CLTRN: variants seen among roughly 807,000 people sequenced by gnomAD.
The protein encoded by CLTRN is collectrin.
Under a neutral mutation model 14.5 loss-of-function variants are expected in CLTRN, and 12 were observed. The ratio of observed to expected loss-of-function variants is 0.83; its 90% CI spans 0.53 to 1.34. The LOEUF is 1.34. CLTRN is among the 40% of genes most tolerant of loss of function. The pLI is 0.00. For synonymous variants in CLTRN, 58 were observed against 56.5 expected, an observed-to-expected ratio of 1.03 and a Z score of -0.12; for missense variants, 154 against 165.1, an observed-to-expected ratio of 0.93 and a Z score of 0.37.
upstream of CLTRN, among the ~76,000 whole-genome samples, chrX:15,667,875 C>G (rs746976354): frequency 4.2e-4 from 47 of 111,961 alleles, no homozygotes; most frequent in African/African-American, 1.2e-3. Context: ...CTTCAGGTTC[C>G]TTTAGTCTTG....
chrX:15,648,415 G>A (rs1032406796), intron 3 of CLTRN, among the ~76,000 whole-genome samples: 1 of 111,380 alleles, frequency 9.0e-6, no homozygotes, highest in African/African-American at 3.3e-5. Flanking sequence ...CTCCAGTTGT[G>A]ACAATCAAAA....
intron 5 of CLTRN, among the ~76,000 whole-genome samples, chrX:15,633,116 C>T (rs6527620): frequency 0.28 from 30,781 of 109,394 alleles, 3,578 homozygotes; most frequent in East Asian, 0.52. Context: ...ATCAAACCTA[C>T]CTGGTTTTAA....
In CLTRN at chrX:15,664,318, A is replaced by C; in HGVS notation, c.117+19T>G. On this transcript the variant is annotated intron_variant, in intron 2 of 5. Transcript: ENST00000380342. ...TTAGCAAACAAAATTTAAAAAGAAC[A>C]CTCAGGTGCTCCACTTACTGCTTTA... The C allele has an allele frequency of 8.6e-7, 1 of 1,167,952 alleles. No homozygotes were observed. The highest frequency in any genetic ancestry group is 2.4e-5 in the Admixed American group (1 of 41,958).
chrX:15,646,653 G>C, intron 3 of CLTRN: 1 of 341,624 alleles, frequency 2.9e-6, no homozygotes, highest in Admixed American at 3.1e-5. Context: ...GATGGTGCCC[G>C]CCCGCATCCG....
upstream of CLTRN, among the ~76,000 whole-genome samples, chrX:15,668,289 GTCT>G (rs1270492367): frequency 8.9e-6 from 1 of 111,817 alleles, no homozygotes; most frequent in Non-Finnish European, 1.9e-5. Context: ...ACGCACCCTT[GTCT>G]TCTTCTTTAC....
At chrX:15,643,752 G>T (rs1928994872) in intron 4 of CLTRN, among the ~76,000 whole-genome samples, 1 of 112,432 alleles carries the variant, frequency 8.9e-6, no homozygotes, top group Admixed American at 9.4e-5. Flanking sequence ...TTCAGCAAAA[G>T]AAATAGATGA....
At chrX:15,638,786 T>TA (rs1928875015) in intron 5 of CLTRN, among the ~76,000 whole-genome samples, 1 of 112,011 alleles carries the variant, frequency 8.9e-6, no homozygotes, top group Non-Finnish European at 1.9e-5. Flanking sequence ...ATCAATAACT[T>TA]AGACATCGAA....
intron 1 of CLTRN, among the ~76,000 whole-genome samples, chrX:15,674,118 TTGAA>T (rs753662305): frequency 3.1e-4 from 35 of 112,464 alleles, no homozygotes; most frequent in Non-Finnish European, 5.4e-4. Flanking sequence ...TAAATCTGTC[TTGAA>T]TGAATGAATG....
chrX:15,663,467 T>C (rs1929554351), intron 2 of CLTRN, among the ~76,000 whole-genome samples: 1 of 112,631 alleles, frequency 8.9e-6, no homozygotes, highest in Non-Finnish European at 1.9e-5. Flanking sequence ...TGTACTACTA[T>C]CTTCCTCAAA....
At chrX:15,643,610 T>C (rs978281880) in intron 4 of CLTRN, among the ~76,000 whole-genome samples, 4 of 112,240 alleles carry the variant, frequency 3.6e-5, no homozygotes, top group African/African-American at 1.3e-4. Context: ...ATATTTATAA[T>C]TCTTACTCCC....
At chrX:15,630,485 T>C (rs2147194235) in intron 5 of CLTRN, among the ~76,000 whole-genome samples, 1 of 112,134 alleles carries the variant, frequency 8.9e-6, no homozygotes, top group Admixed American at 9.5e-5. Flanking sequence ...TATTAAATAA[T>C]TTCAAATAGT....
At chrX:15,663,594 A>G (rs1451964087) in intron 2 of CLTRN, among the ~76,000 whole-genome samples, 1 of 112,160 alleles carries the variant, frequency 8.9e-6, no homozygotes, top group Non-Finnish European at 1.9e-5. Context: ...TTACTCATTG[A>G]GTCAATAATA....
At chrX:15,656,221 G>C (rs1293324125) in intron 3 of CLTRN, among the ~76,000 whole-genome samples, 1 of 111,894 alleles carries the variant, frequency 8.9e-6, no homozygotes, top group Non-Finnish European at 1.9e-5. Flanking sequence ...AGCTTCTACT[G>C]TAAGTATATG....
chrX:15,627,861 AAAG>A lies in CLTRN; in HGVS notation c.*107_*109del. ...TCAAGCACATTCAAAATTTATTACA[AAAG>A]AAGAATGGTGAAACAAAATATATGA... On this transcript the variant is annotated 3_prime_UTR_variant, in exon 6 of 6. Transcript: ENST00000380342. 1 of 649,037 alleles carries A rather than the reference AAAG, an allele frequency of 1.5e-6. No homozygotes were observed. The highest frequency in any genetic ancestry group is 2.1e-6 in the Non-Finnish European group (1 of 479,469). 53.5% of individuals were successfully genotyped at this position (649,037 alleles called of 1,213,427 possible). A position where few individuals can be genotyped will look rare whatever the true frequency, so the allele number is the denominator to read the frequency against.
chrX:15,670,299 C>A (rs867834380), intron 1 of CLTRN, among the ~76,000 whole-genome samples: 6 of 72,063 alleles, frequency 8.3e-5, no homozygotes, highest in East Asian at 7.2e-4. Context: ...AAACAAAAAC[C>A]AAAAACAAAA....
Position 15,641,808 on chromosome X carries a change from T to C in CLTRN, c.318-2052A>G, listed in dbSNP as rs765179598. Among the ~76,000 whole-genome samples, 3 of 111,490 alleles carry C rather than the reference T, an allele frequency of 2.7e-5. No homozygotes were observed. The South Asian group carries it at 1.1e-3, about 42-fold the overall frequency. On this transcript the variant is annotated intron_variant, in intron 4 of 5. Coordinates refer to ENST00000380342, the MANE Select transcript of CLTRN (RefSeq NM_020665.6). ...AACTAGCCACATTTCAGGTGCTTAA[T>C]AACCACATTTGGCTGGTGGCTACGG...
chrX:15,660,047 A>G (rs142446231), intron 2 of CLTRN, among the ~76,000 whole-genome samples: 2,639 of 111,540 alleles, frequency 0.024, 73 homozygotes, highest in African/African-American at 0.078. Context: ...AGGAAGGGAG[A>G]AAGTAGCAAA....
At chrX:15,666,549 GA>G (rs1248355925), upstream of CLTRN, among the ~76,000 whole-genome samples, 72 of 112,419 alleles carry the variant, frequency 6.4e-4, no homozygotes, top group African/African-American at 2.1e-3. Context: ...GCAGCACTTT[GA>G]GAAACACATC....
At chrX:15,655,770 G>C (rs965021865) in intron 3 of CLTRN, among the ~76,000 whole-genome samples, 1 of 111,686 alleles carries the variant, frequency 9.0e-6, no homozygotes, top group Non-Finnish European at 1.9e-5. Flanking sequence ...TACTCTAGTG[G>C]CAACTTGACG....
Sources: gnomAD v4.1 joint callset for allele counts (sites outside exome capture counted in the v4.1 genomes callset) on GRCh38, gnomAD v4.1.1 for gene constraint, MANE v1.5 for transcripts, NCBI Gene and HGNC (gene_info 2026-07-23, HGNC 2026-07-21) for gene names.